Variants in SPTBN5 observed in about 807,000 individuals in gnomAD.
SPTBN5 encodes spectrin beta, non-erythrocytic 5.
SPTBN5 carries 513 observed loss-of-function variants against 477.6 expected under a neutral mutation model. That is an observed-to-expected ratio of 1.07 (90% confidence interval 1.00 to 1.16). The LOEUF is 1.16. SPTBN5 is among the 50% of genes most tolerant of loss of function. The probability of loss-of-function intolerance (pLI) is 0.00; values close to 1 mark genes in which losing one functional copy is unlikely to be tolerated. For synonymous variants in SPTBN5, 2,169 were observed against 2,011.7 expected (o/e 1.08, Z -2.09); for missense variants, 5,062 against 4,731.8 (o/e 1.07, Z -2.05).
chr15:41,878,767 G>T, intron 16 of SPTBN5, 138 bp from the exon 17 acceptor site: 1 of 1,016,046 alleles, frequency 9.8e-7, no homozygotes, highest in Non-Finnish European at 1.4e-6. Context: ...TGACCTGGGG[G>T]CAGCAAGAAC....
intron 9 of SPTBN5, 80 bp downstream of exon 9, chr15:41,882,916 A>G (rs972636850): frequency 2.8e-6 from 4 of 1,405,668 alleles, no homozygotes; most frequent in Admixed American, 2.0e-5. Flanking sequence ...GCAGGCCAAC[A>G]GTACTTTAAC....
At chr15:41,851,240 C>T (rs1277124688) in intron 64 of SPTBN5, 43 bp downstream of exon 64, 3 of 1,556,010 alleles carry the variant, frequency 1.9e-6, no homozygotes, top group Admixed American at 1.9e-5. Context: ...TGCCTTGCTT[C>T]CCAGCACCCT....
chr15:41,852,624 C>G lies in SPTBN5; in HGVS notation c.10449+10G>C. On this transcript the variant is annotated intron_variant, in intron 61 of 67. Transcript: ENST00000320955. Reference sequence around the variant, plus strand: ...ACCAGCCCTCAGCCCCTAGCCGAGGCAGTCGTCACCTCTGTCTTTTGCATT... The same window carrying G: ...ACCAGCCCTCAGCCCCTAGCCGAGGGAGTCGTCACCTCTGTCTTTTGCATT... 6.2e-7 allele frequency: 1 copy of G among 1,613,072 alleles called. No individual in the cohort carries two copies. The highest frequency in any genetic ancestry group is 8.5e-7 in the Non-Finnish European group (1 of 1,179,550).
rs756518292 is a variant in SPTBN5 at position 41,857,612 on chromosome 15, G to T, written c.8325C>A (p.Asn2775Lys). The change falls in exon 50 of 68, where the codon AAC becomes AAA. Residue 2775 changes from asparagine to lysine, a missense_variant. By Grantham distance (94) the Asn-to-Lys change is moderately conservative. Coordinates refer to ENST00000320955, the MANE Select transcript of SPTBN5 (RefSeq NM_016642.4). ...LGALWGELQDNSQKKVAKLQK... is the reference protein window; with the variant it reads ...LGALWGELQDKSQKKVAKLQK... ...GGAGCTTGGCCACCTTCTTCTGGGA[G>T]TTGTCTTGCAGCTCACCCCAGAGTG... 1.2e-6 allele frequency: 2 copies of T among 1,607,768 alleles called. No individual in the cohort carries two copies. Among genetic ancestry groups the T allele is most frequent in the African/African-American group, 1.3e-5 (1 of 74,874 alleles).
Position 41,878,532 on chromosome 15 carries a change from G to A in SPTBN5, c.3280C>T (p.Arg1094Trp), listed in dbSNP as rs200618526. ...LKQVQEQVAQ[R>W]ARRQAETQAR... is the part of the protein sequence containing the mutation. ...TGAGTCTCAGCCTGGCGCCGGGCCC[G>A]TTGGGCCACTTGTTCCTGTACTTGC... Residue 1094 changes from arginine (R) to tryptophan (W), a missense_variant, in exon 17 of 68, where the codon CGG becomes TGG. Physicochemically the swap from Arg to Trp is moderately radical, Grantham distance 101 (BLOSUM62 -3). Transcript: ENST00000320955. The A allele has an allele frequency of 1.1e-4, 184 of 1,612,786 alleles. No individual in the cohort carries two copies. Among genetic ancestry groups the A allele is most frequent in the Middle Eastern group, 1.6e-4 (1 of 6,080 alleles).
chr15:41,849,827 C>T (rs767815119), intron 67 of SPTBN5, 42 bp downstream of exon 67: 5 of 1,489,300 alleles, frequency 3.4e-6, no homozygotes, highest in South Asian at 2.4e-5. Flanking sequence ...GCCACTGAAG[C>T]CCAGGGCTCC....
Position 41,870,448 on chromosome 15 carries a change from G to A in SPTBN5, c.5560C>T (p.Gln1854Ter), listed in dbSNP as rs763521668. 5 of 1,613,590 alleles carry A rather than the reference G, an allele frequency of 3.1e-6. No individual in the cohort carries two copies. The African/African-American group carries it at 6.7e-5, about 22-fold the overall frequency. The change falls in exon 30 of 68, where the codon CAG (glutamine) becomes TAG (stop). Residue 1854 changes from glutamine (Q) to a stop codon, truncating the protein, a stop_gained and splice_region_variant. Coordinates refer to ENST00000320955, the MANE Select transcript of SPTBN5 (RefSeq NM_016642.4). LOFTEE classifies it high-confidence loss of function. Reference protein sequence around the residue: ...RDLLEVLTQVQEKATSLPNNV... With the variant: ...RDLLEVLTQV Reference sequence around the variant, plus strand: ...CTAGCCACCCCTCCGGCTCACACCTGGACCTGGGTGAGGACTTCCAAGAGA... The same window carrying A: ...CTAGCCACCCCTCCGGCTCACACCTAGACCTGGGTGAGGACTTCCAAGAGA...
chr15:41,850,719 A>T (rs572894681), intron 66 of SPTBN5, 135 bp downstream of exon 66: 2 of 779,692 alleles, frequency 2.6e-6, no homozygotes, highest in Non-Finnish European at 4.0e-6. Flanking sequence ...TTGAGGAAAA[A>T]CAGTAAGTCC....
At chr15:41,882,243 A>G in intron 11 of SPTBN5, 26 bp downstream of exon 11, 1 of 153,702 alleles carries the variant, frequency 6.5e-6, no homozygotes, top group Non-Finnish European at 8.9e-6. Flanking sequence ...CCCCGCCCCC[A>G]CCCCGCCTCC....
intron 67 of SPTBN5, among the ~76,000 whole-genome samples, chr15:41,848,893 A>G (rs1306469440): frequency 6.6e-6 from 1 of 152,196 alleles, no homozygotes; most frequent in East Asian, 1.9e-4. Flanking sequence ...AGACAGCAGA[A>G]AAAATGGCTG....
Position 41,869,974 on chromosome 15 carries a change from G to A in SPTBN5, c.5720C>T (p.Pro1907Leu), listed in dbSNP as rs753621889. 28 of 1,535,578 alleles carry A rather than the reference G, an allele frequency of 1.8e-5. No individual in the cohort carries two copies. The highest frequency in any genetic ancestry group is 4.2e-4 in the Middle Eastern group (2 of 4,746). Residue 1907 changes from proline (P) to leucine (L), a missense_variant, in exon 32 of 68, where the codon CCG becomes CTG. Physicochemically the swap from Pro to Leu is moderately conservative, Grantham distance 98 (BLOSUM62 -3). Coordinates refer to ENST00000320955, the MANE Select transcript of SPTBN5 (RefSeq NM_016642.4). ...ETAGRVQKLC[P>L]GPQAHAVQQR... ...CTGCACCGCATGGGCCTGAGGCCCCGGACACAGCTTCTGCACCCTGCCTGC... is the reference window on the plus strand; with the variant it reads ...CTGCACCGCATGGGCCTGAGGCCCCAGACACAGCTTCTGCACCCTGCCTGC...
In SPTBN5 at chr15:41,856,565, G is replaced by A; in HGVS notation, c.8842C>T (p.Leu2948=). 1 of 1,597,380 alleles carries A rather than the reference G, an allele frequency of 6.3e-7. No homozygotes were observed. Among genetic ancestry groups the A allele is most frequent in the South Asian group, 1.1e-5 (1 of 89,040 alleles). Residue 2948 remains leucine (L), a synonymous_variant, in exon 53 of 68, where the codon CTG becomes TTG. Transcript: ENST00000320955. ...LESEMSSHEA[L]TRVVLGTGYK... ...CCAGTGCCCAGCACCACCCGGGTCA[G>A]AGCCTCGTGGCTGCTCATCTCACTC...
chr15:41,882,102 C>G lies in SPTBN5; in HGVS notation c.2291G>C (p.Arg764Pro). The G allele has an allele frequency of 1.3e-6, 2 of 1,574,098 alleles. No individual in the cohort carries two copies. Among genetic ancestry groups the G allele is most frequent in the Non-Finnish European group, 8.5e-7 (1 of 1,171,184 alleles). ...GGACGCTCTCTCCAGCGAGGATCGC[C>G]GCTCGCGCAGCCACGAAGCCGCCTC... is the stretch of plus-strand genomic sequence containing the variant. ...AAEAASWLRE[R>P]RSSLERASCG... The change falls in exon 12 of 68, where the codon CGG (arginine) becomes CCG (proline). Residue 764 changes from arginine (R) to proline (P), a missense_variant. Coordinates refer to ENST00000320955, the MANE Select transcript of SPTBN5 (RefSeq NM_016642.4).
chr15:41,882,206 T>G (rs1337945557), intron 11 of SPTBN5, 61 bp from the exon 12 acceptor site: 2 of 1,465,020 alleles, frequency 1.4e-6, no homozygotes, highest in East Asian at 5.2e-5. Flanking sequence ...GGGCAGGTGC[T>G]GGCACCCCCA....
In SPTBN5 at chr15:41,848,588, GAAGT is replaced by G. The variant is rs910226901; in HGVS notation, c.*24_*27del. 1.2e-6 allele frequency: 2 copies of G among 1,613,708 alleles called. No individual in the cohort carries two copies. Among genetic ancestry groups the G allele is most frequent in the Non-Finnish European group, 8.5e-7 (1 of 1,179,746 alleles). Reference sequence around the variant, plus strand: ...TAGATGTGTCCTCGCTTGTGCCCCTGAAGTTTGGTGTTGCACTGGGGTTCACCTC... The same window carrying G: ...TAGATGTGTCCTCGCTTGTGCCCCTGTTGGTGTTGCACTGGGGTTCACCTC... On this transcript the variant is annotated 3_prime_UTR_variant, in exon 68 of 68. Transcript: ENST00000320955.
intron 66 of SPTBN5, chr15:41,850,635 A>C (rs948838971): frequency 3.5e-6 from 2 of 570,110 alleles, no homozygotes; most frequent in Admixed American, 6.1e-5. Context: ...TGGGGGTTCA[A>C]AACTGGCCCC....
At chr15:41,893,236 G>A in intron 2 of SPTBN5, 46 bp downstream of exon 2, 1 of 1,611,706 alleles carries the variant, frequency 6.2e-7, no homozygotes, top group Non-Finnish European at 8.5e-7. Context: ...GCCAGAGCTG[G>A]GGGCCTGGTA....
rs1376131451 is a variant in SPTBN5 at position 41,849,866 on chromosome 15, C to T, written c.11012+3G>A. On this transcript the variant is annotated splice_donor_region_variant and intron_variant, in intron 67 of 67. Coordinates refer to ENST00000320955, the MANE Select transcript of SPTBN5 (RefSeq NM_016642.4). The stretch of plus-strand genomic sequence containing the variant: ...CCCTGCTTCCCCCACCCAGGTGTCC[C>T]ACCTGAGTAGACATCCAGGCCGGGC... The T allele has an allele frequency of 1.9e-6, 3 of 1,567,664 alleles. No individual in the cohort carries two copies. Among genetic ancestry groups the T allele is most frequent in the Non-Finnish European group, 2.6e-6 (3 of 1,156,150 alleles).
Position 41,868,436 on chromosome 15 carries a change from G to A in SPTBN5, c.6019C>T (p.Gln2007Ter), listed in dbSNP as rs758005833. Reference sequence around the variant, plus strand: ...GTCCCTGCAGCAAGAAGTGCCTGCTGCCCCAGCTGGGTGGCCTGCTGCCAC... The same window carrying A: ...GTCCCTGCAGCAAGAAGTGCCTGCTACCCCAGCTGGGTGGCCTGCTGCCAC... Reference protein sequence around the residue: ...KLWQQATQLGQQALLAAGTPT... With the variant: ...KLWQQATQLG The change falls in exon 33 of 68, where the codon CAG (glutamine) becomes TAG (stop). Residue 2007 changes from glutamine (Q) to a stop codon, truncating the protein, a stop_gained. Coordinates refer to ENST00000320955, the MANE Select transcript of SPTBN5 (RefSeq NM_016642.4). LOFTEE classifies it high-confidence loss of function. The A allele has an allele frequency of 4.5e-5, 72 of 1,608,500 alleles. No homozygotes were observed. The highest frequency in any genetic ancestry group is 5.9e-5 in the Non-Finnish European group (69 of 1,177,450).
Sources: allele counts gnomAD v4.1 joint callset (sites outside exome capture counted in the v4.1 genomes callset), GRCh38; gene constraint gnomAD v4.1.1; transcripts MANE v1.5; gene names NCBI Gene and HGNC (gene_info 2026-07-23, HGNC 2026-07-21).